The following TMTC1 variants were observed in gnomAD, a reference collection of about 807,000 sequenced individuals.
TMTC1 encodes the protein transmembrane O-mannosyltransferase targeting cadherins 1.
A neutral mutation model predicts 104.8 loss-of-function variants in TMTC1; 73 were observed. That is an observed-to-expected ratio of 0.70 (90% CI 0.58 to 0.85). TMTC1 has a LOEUF of 0.85. Among genes scored for constraint, TMTC1 ranks in the 40% least tolerant of loss-of-function variants. TMTC1 has a pLI of 0.00. For synonymous variants in TMTC1, 434 were observed against 428.7 expected (o/e 1.01, Z -0.15); for missense variants, 1,035 against 1,096.1 (o/e 0.94, Z 0.79).
chr12:29,574,517 A>G (rs1254809716), intron 8 of TMTC1, among the ~76,000 whole-genome samples: 1 of 152,218 alleles, frequency 6.6e-6, no homozygotes, highest in African/African-American at 2.4e-5. Flanking sequence ...GGCTTAAACA[A>G]CAGACATTTA....
At chr12:29,620,206 T>G (rs1947094293) in intron 6 of TMTC1, among the ~76,000 whole-genome samples, 1 of 152,190 alleles carries the variant, frequency 6.6e-6, no homozygotes, top group Admixed American at 6.5e-5. Context: ...GAGTGTTTCA[T>G]GTGGCTTGCC....
At chr12:29,710,852 TA>T (rs1380900952) in intron 5 of TMTC1, among the ~76,000 whole-genome samples, 139 of 136,650 alleles carry the variant, frequency 1.0e-3, no homozygotes, top group African/African-American at 3.8e-3. Flanking sequence ...TAATAATATA[TA>T]AATATATTAA....
At position 29,783,917 on chromosome 12, in the gene TMTC1, C is replaced by T; in HGVS notation, c.-166G>A. ...CCGCGCTCCGCCGCCGCCTGCGCCG[C>T]GGAGTTGGCCCAGCTGCAAATAAAC... On this transcript the variant is annotated 5_prime_UTR_variant, in exon 1 of 18. Coordinates refer to ENST00000539277, the MANE Select transcript of TMTC1 (RefSeq NM_001193451.2). This position sits in a 1 kb window ranked among gnomAD's most constrained non-coding sequence, Gnocchi z 4.7. 1 of 568,878 alleles carries T rather than the reference C, an allele frequency of 1.8e-6. No individual in the cohort carries two copies. Among genetic ancestry groups the T allele is most frequent in the Non-Finnish European group, 2.3e-6 (1 of 439,012 alleles). The allele number at this position is 568,878 out of a possible 1,614,324, so 35.2% of individuals were successfully genotyped here. A position where few individuals can be genotyped will look rare whatever the true frequency, so the allele number is the denominator to read the frequency against.
intron 8 of TMTC1, among the ~76,000 whole-genome samples, chr12:29,577,656 C>T (rs1244911016): frequency 6.6e-6 from 1 of 152,106 alleles, no homozygotes; most frequent in Admixed American, 6.6e-5. Flanking sequence ...TCATAAGTGA[C>T]AGTATTGCAT....
At chr12:29,576,827 A>G (rs1036358443) in intron 8 of TMTC1, among the ~76,000 whole-genome samples, 4 of 152,188 alleles carry the variant, frequency 2.6e-5, no homozygotes, top group Non-Finnish European at 5.9e-5. Flanking sequence ...TATGGAAGAT[A>G]ATGGATATGT....
In TMTC1 at chr12:29,656,357, CTT is replaced by C. The variant is rs1187413675; in HGVS notation, c.939-23023_939-23022del. Among the ~76,000 whole-genome samples the C allele has an allele frequency of 6.5e-3, 840 of 129,898 alleles. 9 individuals carry two copies. The highest frequency in any genetic ancestry group is 0.022 in the African/African-American group (795 of 35,444). The allele number at this position is 129,898 out of a possible 152,430, so 85.2% of individuals were successfully genotyped here. On this transcript the variant is annotated intron_variant, in intron 5 of 17. Transcript: ENST00000539277. ...ATATATATACACACATACACATATA[CTT>C]TTTTTTTTTTTTTTTTTAAAGACAG...
chr12:29,623,271 T>A (rs1379083691), intron 6 of TMTC1, among the ~76,000 whole-genome samples: 1 of 152,214 alleles, frequency 6.6e-6, no homozygotes, highest in Non-Finnish European at 1.5e-5. Context: ...ACACCTACTG[T>A]TTTACATGAC....
At chr12:29,710,526 A>C (rs1408681644) in intron 5 of TMTC1, among the ~76,000 whole-genome samples, 1 of 146,378 alleles carries the variant, frequency 6.8e-6, no homozygotes, top group Non-Finnish European at 1.5e-5. Flanking sequence ...ATATATATAT[A>C]AAATATATAT....
intron 5 of TMTC1, among the ~76,000 whole-genome samples, chr12:29,696,646 G>A (rs1319350947): frequency 2.0e-5 from 3 of 151,978 alleles, no homozygotes; most frequent in Non-Finnish European, 4.4e-5. Context: ...ATCAAGCTAC[G>A]GTTCTAATTT....
Position 29,517,805 on chromosome 12 carries a change from C to T in TMTC1, c.2025-234G>A, listed in dbSNP as rs1944032820. Among the ~76,000 whole-genome samples, 5 of 152,076 alleles carry T rather than the reference C, an allele frequency of 3.3e-5. No individual in the cohort carries two copies. The South Asian group carries it at 8.3e-4, about 25-fold the overall frequency. On this transcript the variant is annotated intron_variant, in intron 13 of 17. Coordinates refer to ENST00000539277, the MANE Select transcript of TMTC1 (RefSeq NM_001193451.2). The stretch of plus-strand genomic sequence containing the variant: ...ATCTTGGCTCATGCAACCTCCACCT[C>T]CCAGGTTCAAGTGATTCTCCTGCCT...
rs1555174499 is a variant in TMTC1, at chr12:29,600,008, A to ATTT, written c.1250+4167_1250+4169dup. On this transcript the variant is annotated intron_variant, in intron 7 of 17. Coordinates refer to ENST00000539277, the MANE Select transcript of TMTC1 (RefSeq NM_001193451.2). The stretch of plus-strand genomic sequence containing the variant: ...TGTGTATATACATATATATATATAT[A>ATTT]TTTTTTTTTTTTTTTCCCTCAAAAG... Among the ~76,000 whole-genome samples, 486 of 118,654 alleles carry ATTT rather than the reference A, an allele frequency of 4.1e-3. 7 individuals carry two copies. The highest frequency in any genetic ancestry group is 0.012 in the East Asian group (54 of 4,498). 77.8% of individuals were successfully genotyped at this position (118,654 alleles called of 152,430 possible).
chr12:29,584,293 T>C (rs1946065764), intron 7 of TMTC1, among the ~76,000 whole-genome samples: 2 of 152,314 alleles, frequency 1.3e-5, no homozygotes, highest in African/African-American at 2.4e-5. Context: ...ACATCATCTA[T>C]GCACCAACAG....
chr12:29,597,229 CTT>C lies in TMTC1; in HGVS notation c.1250+6947_1250+6948del, dbSNP rs1946430520. Reference sequence around the variant, plus strand: ...TTTTCTTTTCTTTTTCTTTTTCTTTCTTTCTTTTCTTTCTTTTTTTTTTTTTT... The same window carrying C: ...TTTTCTTTTCTTTTTCTTTTTCTTTCTCTTTTCTTTCTTTTTTTTTTTTTT... On this transcript the variant is annotated intron_variant, in intron 7 of 17. Coordinates refer to ENST00000539277, the MANE Select transcript of TMTC1 (RefSeq NM_001193451.2). Among the ~76,000 whole-genome samples, 7 of 134,964 alleles carry C rather than the reference CTT, an allele frequency of 5.2e-5. No homozygotes were observed. In the South Asian group the frequency reaches 1.6e-3, roughly 31 times the overall value. The allele number at this position is 134,964 out of a possible 152,430, so 88.5% of individuals were successfully genotyped here. A position where few individuals can be genotyped will look rare whatever the true frequency, so the allele number is the denominator to read the frequency against.
intron 7 of TMTC1, among the ~76,000 whole-genome samples, chr12:29,594,159 G>T (rs1456904625): frequency 6.6e-6 from 1 of 152,136 alleles, no homozygotes; most frequent in Admixed American, 6.5e-5. Flanking sequence ...GAAGACCTTT[G>T]ATCAAAGCTG....
chr12:29,584,202 G>T (rs535062989), intron 7 of TMTC1, among the ~76,000 whole-genome samples: 1 of 152,148 alleles, frequency 6.6e-6, no homozygotes, highest in Non-Finnish European at 1.5e-5. Flanking sequence ...TAGGTGCAGG[G>T]TTAACATGTT....
rs749708742 is a variant in TMTC1 at position 29,751,840 on chromosome 12, T to C, written c.764A>G (p.Gln255Arg). Reference sequence around the variant, plus strand: ...GGAGGGCTGGGGGCTCCCGGGCTGCTGTGGGCTGCGTGGACAGAGGGCCCC... The same window carrying C: ...GGAGGGCTGGGGGCTCCCGGGCTGCCGTGGGCTGCGTGGACAGAGGGCCCC... ...SNGALCPRSP[Q>R]QPGSPQPSSL... is the part of the protein sequence containing the mutation. The change falls in exon 5 of 18, where the codon CAG becomes CGG. Residue 255 changes from glutamine to arginine, a missense_variant. Coordinates refer to ENST00000539277, the MANE Select transcript of TMTC1 (RefSeq NM_001193451.2). 1.3e-6 allele frequency: 2 copies of C among 1,593,244 alleles called. No homozygotes were observed. The highest frequency in any genetic ancestry group is 4.6e-5 in the East Asian group (2 of 43,954).
At chr12:29,597,238 C>CTTTTT (rs1565697568) in intron 7 of TMTC1, among the ~76,000 whole-genome samples, 1 of 132,430 alleles carries the variant, frequency 7.6e-6, no homozygotes, top group Non-Finnish European at 1.6e-5. Context: ...TCTTTCTTTT[C>CTTTTT]TTTCTTTTTT....
chr12:29,689,683 A>G (rs1941206206), intron 5 of TMTC1, among the ~76,000 whole-genome samples: 3 of 152,210 alleles, frequency 2.0e-5, no homozygotes, highest in African/African-American at 7.2e-5. Flanking sequence ...TAAATTAATT[A>G]TGTGAGTCTA....
At position 29,777,090 on chromosome 12, in the gene TMTC1, C is replaced by T. The variant is rs1186300926; in HGVS notation, c.302+6360G>A. On this transcript the variant is annotated intron_variant, in intron 1 of 17. Coordinates refer to ENST00000539277, the MANE Select transcript of TMTC1 (RefSeq NM_001193451.2). ...TGGGCATGATCAGGCATTCCTTACC[C>T]CCCTCTCTCTCTTTTTATTTTTTTT... Among the ~76,000 whole-genome samples, 3 of 142,400 alleles carry T rather than the reference C, an allele frequency of 2.1e-5. No homozygotes were observed. In the East Asian group the frequency reaches 6.3e-4, roughly 30 times the overall value. 93.4% of individuals were successfully genotyped at this position (142,400 alleles called of 152,430 possible).
Sources: allele counts gnomAD v4.1 joint callset (sites outside exome capture counted in the v4.1 genomes callset), GRCh38; gene constraint gnomAD v4.1.1; non-coding constraint Gnocchi (gnomAD v3.1); transcripts MANE v1.5; gene names NCBI Gene and HGNC (gene_info 2026-07-23, HGNC 2026-07-21).